The following LIMCH1 variants were observed in gnomAD, a reference collection of about 807,000 sequenced individuals.
LIMCH1 encodes LIM and calponin homology domains 1.
A neutral mutation model predicts 176.5 loss-of-function variants in LIMCH1; 113 were observed. That is an observed-to-expected ratio of 0.64 (90% CI 0.55 to 0.75). LIMCH1 has a LOEUF of 0.75. Ranked by LOEUF, LIMCH1 falls within the 30% of genes least tolerant of loss-of-function variation. The pLI is 0.00. For missense variants in LIMCH1, 1,674 were observed against 1,814.9 expected, an observed-to-expected ratio of 0.92 and a Z score of 1.41; for synonymous variants, 619 against 645.9, an observed-to-expected ratio of 0.96 and a Z score of 0.63.
intron 1 of LIMCH1, among the ~76,000 whole-genome samples, chr4:41,545,533 A>G (rs1039843326): frequency 6.6e-6 from 1 of 152,210 alleles, no homozygotes; most frequent in African/African-American, 2.4e-5. Context: ...CAGTTACCCT[A>G]TTATCTGGCT....
chr4:41,450,785 ACT>A (rs1320290173), intron 1 of LIMCH1, among the ~76,000 whole-genome samples: 3 of 117,620 alleles, frequency 2.6e-5, no homozygotes, highest in South Asian at 2.8e-4. Context: ...ATAGAGCAAG[ACT>A]CTCTCTCTCT....
intron 4 of LIMCH1, among the ~76,000 whole-genome samples, chr4:41,606,644 T>G (rs190968155): frequency 6.6e-6 from 1 of 152,296 alleles, no homozygotes; most frequent in East Asian, 1.9e-4. Flanking sequence ...GTTGAATGTT[T>G]CATGTGTACT....
At chr4:41,639,948 A>G (rs1156473046) in intron 14 of LIMCH1, among the ~76,000 whole-genome samples, 1 of 152,206 alleles carries the variant, frequency 6.6e-6, no homozygotes, top group Non-Finnish European at 1.5e-5. Flanking sequence ...TAGAATTTGC[A>G]TGTAGAACAT....
At chr4:41,695,623 T>C (rs1730060120) in intron 31 of LIMCH1, among the ~76,000 whole-genome samples, 1 of 152,144 alleles carries the variant, frequency 6.6e-6, no homozygotes, top group African/African-American at 2.4e-5. Flanking sequence ...TAATATTGGG[T>C]AATAAGGGTC....
chr4:41,364,274 A>G (rs1352977702), intron 1 of LIMCH1, among the ~76,000 whole-genome samples: 2 of 152,186 alleles, frequency 1.3e-5, no homozygotes, highest in Non-Finnish European at 2.9e-5. Context: ...AGTGCTGTGT[A>G]AGTATGGTTA....
At chr4:41,632,718 C>T (rs2093389247) in intron 10 of LIMCH1, 31 bp from the exon 11 acceptor site, 3 of 1,508,890 alleles carry the variant, frequency 2.0e-6, no homozygotes, top group Non-Finnish European at 2.7e-6. Context: ...CCTCTCCTCT[C>T]TTGCCACCAA....
intron 1 of LIMCH1, among the ~76,000 whole-genome samples, chr4:41,453,858 T>G (rs192462191): frequency 6.6e-6 from 1 of 152,284 alleles, no homozygotes; most frequent in Non-Finnish European, 1.5e-5. Flanking sequence ...CCAGCCTGAG[T>G]GCCTCCATTT....
At chr4:41,605,759 T>G in intron 3 of LIMCH1, 135 bp from the exon 4 acceptor site, 1 of 477,056 alleles carries the variant, frequency 2.1e-6, no homozygotes. Context: ...GGATACCTCA[T>G]GGGTGGTGGT....
intron 1 of LIMCH1, among the ~76,000 whole-genome samples, chr4:41,491,399 GCGC>G (rs2070956178): frequency 6.7e-6 from 1 of 149,586 alleles, no homozygotes; most frequent in African/African-American, 2.5e-5. Context: ...CCGGGCAGAG[GCGC>G]TCCCCACCTC....
chr4:41,535,181 A>C (rs1012769910), upstream of LIMCH1, among the ~76,000 whole-genome samples: 2 of 141,624 alleles, frequency 1.4e-5, no homozygotes, highest in African/African-American at 6.1e-5. Flanking sequence ...AAAAAAAAAA[A>C]AAAGAAAAGA....
chr4:41,669,976 G>A (rs73137373), intron 21 of LIMCH1, among the ~76,000 whole-genome samples: 8 of 152,106 alleles, frequency 5.3e-5, no homozygotes, highest in Middle Eastern at 3.2e-3. Context: ...TCTGCTGATC[G>A]ACCCTAATGA....
chr4:41,514,295 A>G (rs1290160187), intron 2 of LIMCH1, among the ~76,000 whole-genome samples: 2 of 152,136 alleles, frequency 1.3e-5, no homozygotes, highest in Non-Finnish European at 2.9e-5. Context: ...TAAATAGGGA[A>G]GCCAAAGAGT....
At position 41,629,655 on chromosome 4, in the gene LIMCH1, C is replaced by T. The variant is rs972275021; in HGVS notation, c.1192C>T (p.Pro398Ser). ...QGSLAPHREP[P>S]SFITLSNITE... is the part of the protein sequence containing the mutation. ...CAGCCTTGCCCCTCACCGCGAGCCC[C>T]CGAGCTTCATTACGCTCTCCAACAT... is the stretch of plus-strand genomic sequence containing the variant. Residue 398 changes from proline to serine, a missense_variant, in exon 9 of 32, where the codon CCG (proline) becomes TCG (serine). Pro to Ser is a moderately conservative substitution (Grantham distance 74). This residue lies in a region of LIMCH1 where 655 missense variants were observed against 692.2 expected (regional missense o/e 0.95). Coordinates refer to ENST00000503057, the MANE Select transcript of LIMCH1 (RefSeq NM_001330672.2). The T allele has an allele frequency of 9.1e-6, 14 of 1,536,064 alleles. No individual in the cohort carries two copies. Among genetic ancestry groups the T allele is most frequent in the Admixed American group, 5.9e-5 (3 of 50,998 alleles).
intron 1 of LIMCH1, among the ~76,000 whole-genome samples, chr4:41,445,171 A>T (rs2063157443): frequency 6.6e-6 from 1 of 151,916 alleles, no homozygotes; most frequent in African/African-American, 2.4e-5. Context: ...ACGCCTGGCT[A>T]ATTTTTATAT....
In LIMCH1 at chr4:41,613,612, C is replaced by T. The variant is rs751327439; in HGVS notation, c.156C>T (p.Arg52=). The T allele has an allele frequency of 8.7e-6, 14 of 1,614,194 alleles. No individual in the cohort carries two copies. The highest frequency in any genetic ancestry group is 1.2e-5 in the Non-Finnish European group (14 of 1,180,036). ...SFDSLDSFGS[R]SRQTPSPDVV... ...ACAGCCTGGATTCCTTTGGCTCTCG[C>T]TCTCGGCAGACGCCTTCACCAGATG... The change falls in exon 5 of 32, where the codon CGC becomes CGT. Residue 52 remains arginine, a synonymous_variant. Coordinates refer to ENST00000503057, the MANE Select transcript of LIMCH1 (RefSeq NM_001330672.2).
chr4:41,649,775 G>A (rs1421163150), intron 17 of LIMCH1, among the ~76,000 whole-genome samples: 4 of 152,088 alleles, frequency 2.6e-5, no homozygotes, highest in Non-Finnish European at 5.9e-5. Flanking sequence ...GCCTCCCCTC[G>A]ATGTGAGTGC....
At chr4:41,620,922 G>C (rs1390009684) in intron 7 of LIMCH1, among the ~76,000 whole-genome samples, 1 of 152,226 alleles carries the variant, frequency 6.6e-6, no homozygotes, top group Non-Finnish European at 1.5e-5. Context: ...TCACTGCTGG[G>C]TGCAGCCCTT....
chr4:41,487,362 C>T (rs2069796887), intron 1 of LIMCH1, among the ~76,000 whole-genome samples: 1 of 152,160 alleles, frequency 6.6e-6, no homozygotes, highest in South Asian at 2.1e-4. Flanking sequence ...GAAGACCGTG[C>T]TCGGTCCTAA....
At chr4:41,646,312 C>G (rs1585271235) in intron 16 of LIMCH1, 32 bp downstream of exon 16, 1 of 1,574,336 alleles carries the variant, frequency 6.4e-7, no homozygotes, top group Admixed American at 2.0e-5. Flanking sequence ...TTTTAATGTA[C>G]AATATTATCT....
Sources: allele counts gnomAD v4.1 joint callset (sites outside exome capture counted in the v4.1 genomes callset), GRCh38; gene constraint gnomAD v4.1.1; regional missense constraint gnomAD v4.1.1; transcripts MANE v1.5; gene names NCBI Gene and HGNC (gene_info 2026-07-23, HGNC 2026-07-21).